LRPPRC: variants seen among roughly 807,000 people sequenced by gnomAD.
LRPPRC encodes leucine-rich PPR motif-containing protein, mitochondrial.
In LRPPRC, 120 loss-of-function variants were observed where a neutral mutation model predicts 180.3. The observed-to-expected ratio is 0.67, with a 90% CI of 0.57 to 0.77. LRPPRC has a LOEUF of 0.77. LRPPRC is among the 30% of genes least tolerant of loss of function. The probability of loss-of-function intolerance (pLI) is 0.00; values close to 1 mark genes in which losing one functional copy is unlikely to be tolerated. For synonymous variants in LRPPRC, 723 were observed against 600.0 expected (o/e 1.21, Z -3.00); for missense variants, 2,012 against 1,657.2 (o/e 1.21, Z -3.72).
intron 6 of LRPPRC, 27 bp downstream of exon 6, chr2:43,976,116 G>A: frequency 7.0e-7 from 1 of 1,423,942 alleles, no homozygotes; most frequent in Non-Finnish European, 9.9e-7. Context: ...TATCACTTAA[G>A]AACCAAAACC....
At chr2:43,915,764 A>C (rs1174091647) in intron 29 of LRPPRC, among the ~76,000 whole-genome samples, 1 of 152,226 alleles carries the variant, frequency 6.6e-6, no homozygotes, top group African/African-American at 2.4e-5. Context: ...CATACATTTT[A>C]CATCAATGCC....
At position 43,918,126 on chromosome 2, in the gene LRPPRC, T is replaced by A. The variant is rs758090531; in HGVS notation, c.3047A>T (p.Tyr1016Phe). The A allele has an allele frequency of 1.2e-6, 2 of 1,613,214 alleles. No individual in the cohort carries two copies. The highest frequency in any genetic ancestry group is 1.7e-6 in the Non-Finnish European group (2 of 1,179,174). The change falls in exon 29 of 38, where the codon TAT becomes TTT. Residue 1016 changes from tyrosine to phenylalanine, a missense_variant. By Grantham distance (22) the Tyr-to-Phe change is conservative (BLOSUM62 3). Transcript: ENST00000260665. ...EVPFDVPELW[Y>F]EDEKHSLNSS... Reference sequence around the variant, plus strand: ...ATTCAGGGAATGTTTTTCATCTTCATACCACAACTTTAAAACAAAGTTATT... The same window carrying A: ...ATTCAGGGAATGTTTTTCATCTTCAAACCACAACTTTAAAACAAAGTTATT...
intron 11 of LRPPRC, among the ~76,000 whole-genome samples, chr2:43,965,295 G>T (rs193261108): frequency 6.6e-6 from 1 of 152,254 alleles, no homozygotes; most frequent in Admixed American, 6.5e-5. Context: ...CCCTGACCTC[G>T]TGATCTGCCC....
At chr2:43,944,001 A>G in intron 22 of LRPPRC, 107 bp from the exon 23 acceptor site, 1 of 773,996 alleles carries the variant, frequency 1.3e-6, no homozygotes, top group Non-Finnish European at 2.3e-6. Context: ...TCTAGTGTAT[A>G]ATGCCGATTT....
At chr2:43,917,586 G>A (rs568067690) in intron 29 of LRPPRC, among the ~76,000 whole-genome samples, 10 of 151,998 alleles carry the variant, frequency 6.6e-5, no homozygotes, top group Middle Eastern at 3.4e-3. Context: ...TCAGGAGATC[G>A]AAACCATCCT....
chr2:43,925,835 G>A, intron 26 of LRPPRC, 58 bp downstream of exon 26: 1 of 1,077,526 alleles, frequency 9.3e-7, no homozygotes. Flanking sequence ...TGATACAGAG[G>A]ACCCTTGCCT....
chr2:43,964,684 A>C (rs1330839354), intron 11 of LRPPRC, among the ~76,000 whole-genome samples: 1 of 152,158 alleles, frequency 6.6e-6, no homozygotes, highest in Non-Finnish European at 1.5e-5. Flanking sequence ...TTTTAGATAA[A>C]ATTTAATTAT....
chr2:43,932,823 G>A (rs1440910131), intron 25 of LRPPRC, among the ~76,000 whole-genome samples: 3 of 152,184 alleles, frequency 2.0e-5, no homozygotes, highest in Non-Finnish European at 4.4e-5. Flanking sequence ...TATCACATAA[G>A]CAGGTAGATG....
chr2:43,907,346 G>A (rs1265242766), intron 30 of LRPPRC, among the ~76,000 whole-genome samples: 2 of 152,128 alleles, frequency 1.3e-5, no homozygotes, highest in South Asian at 2.1e-4. Context: ...TTCCAAAGTG[G>A]CAAAAGGAAA....
At chr2:43,979,612 C>A (rs1674214430) in intron 3 of LRPPRC, among the ~76,000 whole-genome samples, 1 of 152,020 alleles carries the variant, frequency 6.6e-6, no homozygotes, top group African/African-American at 2.4e-5. Flanking sequence ...TTTTAACTTA[C>A]CGTACTTGTA....
chr2:43,893,119 T>C (rs1471967803), intron 36 of LRPPRC, among the ~76,000 whole-genome samples: 1 of 152,156 alleles, frequency 6.6e-6, no homozygotes, highest in Non-Finnish European at 1.5e-5. Context: ...ATTGCTACAA[T>C]CTCATGATCA....
chr2:43,889,991 C>T lies in LRPPRC; in HGVS notation c.3986-115G>A, dbSNP rs1238876102. Reference sequence around the variant, plus strand: ...CCCTTTATCCCACGGCAAATGAACACTTAACTACTTTCAGTAAGAAGCCAC... The same window carrying T: ...CCCTTTATCCCACGGCAAATGAACATTTAACTACTTTCAGTAAGAAGCCAC... On this transcript the variant is annotated intron_variant, in intron 36 of 37. Coordinates refer to ENST00000260665, the MANE Select transcript of LRPPRC (RefSeq NM_133259.4). 1.7e-5 allele frequency: 12 copies of T among 717,892 alleles called. No homozygotes were observed. The Admixed American group carries it at 2.0e-4, about 12-fold the overall frequency. The allele number at this position is 717,892 out of a possible 1,614,324, so 44.5% of individuals were successfully genotyped here.
intron 25 of LRPPRC, among the ~76,000 whole-genome samples, chr2:43,929,183 A>G (rs181288588): frequency 1.8e-4 from 27 of 152,290 alleles, no homozygotes; most frequent in African/African-American, 6.0e-4. Flanking sequence ...CAAGCAATTC[A>G]TCCTTTTCTT....
At chr2:43,890,289 G>A (rs546286319) in intron 36 of LRPPRC, 3 of 462,104 alleles carry the variant, frequency 6.5e-6, no homozygotes, top group South Asian at 4.8e-5. Flanking sequence ...TGTGGAGAGG[G>A]ACATGTCAAT....
intron 30 of LRPPRC, among the ~76,000 whole-genome samples, chr2:43,911,261 T>C (rs538816803): frequency 2.4e-4 from 36 of 151,842 alleles, no homozygotes; most frequent in African/African-American, 8.7e-4. Flanking sequence ...TATCAAGACA[T>C]ACAAATGATG....
rs752575254 is a variant in LRPPRC at position 43,995,824 on chromosome 2, C to T, written c.124G>A (p.Ala42Thr). Residue 42 changes from alanine to threonine, a missense_variant, in exon 1 of 38, where the codon GCC (alanine) becomes ACC (threonine). Ala to Thr is a moderately conservative substitution (Grantham distance 58). Transcript: ENST00000260665. ...CCGGCCACGGGCCCGGCGCGAGCGG[C>T]GGGCAGATAGGAGGCGGCATGCAGC... ...GRLHAASYLP[A>T]ARAGPVAGGL... The T allele has an allele frequency of 1.5e-5, 21 of 1,414,696 alleles. No individual in the cohort carries two copies. In the East Asian group the frequency reaches 5.8e-4, roughly 39 times the overall value. 87.6% of individuals were successfully genotyped at this position (1,414,696 alleles called of 1,614,324 possible). A position where few individuals can be genotyped will look rare whatever the true frequency, so the allele number is the denominator to read the frequency against.
chr2:43,891,386 G>A (rs1372669749), intron 36 of LRPPRC, among the ~76,000 whole-genome samples: 1 of 152,128 alleles, frequency 6.6e-6, no homozygotes, highest in Middle Eastern at 3.2e-3. Flanking sequence ...GAAGGTTTAT[G>A]GTAACCCTGC....
rs1237968888 is a variant in LRPPRC, at chr2:43,925,166, T to A, written c.2806-9A>T. Reference sequence around the variant, plus strand: ...TTTTCCAGAGTTTCAACCTTAAAAGTAAGATTAAGAGATAGATCTACCTTG... The same window carrying A: ...TTTTCCAGAGTTTCAACCTTAAAAGAAAGATTAAGAGATAGATCTACCTTG... On this transcript the variant is annotated splice_polypyrimidine_tract_variant and intron_variant, in intron 26 of 37. Coordinates refer to ENST00000260665, the MANE Select transcript of LRPPRC (RefSeq NM_133259.4). 4 of 1,367,306 alleles carry A rather than the reference T, an allele frequency of 2.9e-6. No individual in the cohort carries two copies. The highest frequency in any genetic ancestry group is 3.4e-5 in the Admixed American group (2 of 59,694). 84.7% of individuals were successfully genotyped at this position (1,367,306 alleles called of 1,614,324 possible). A position where few individuals can be genotyped will look rare whatever the true frequency, so the allele number is the denominator to read the frequency against.
chr2:43,974,486 T>G, intron 8 of LRPPRC, 128 bp downstream of exon 8: 2 of 828,452 alleles, frequency 2.4e-6, no homozygotes, highest in Non-Finnish European at 4.0e-6. Flanking sequence ...TGGGCTTATT[T>G]AACTGACTTT....
Sources: gnomAD v4.1 joint callset for allele counts (sites outside exome capture counted in the v4.1 genomes callset) on GRCh38, gnomAD v4.1.1 for gene constraint, MANE v1.5 for transcripts, NCBI Gene and HGNC (gene_info 2026-07-23, HGNC 2026-07-21) for gene names.